The following C8orf34 variants were observed in gnomAD, a reference collection of about 807,000 sequenced individuals.
C8orf34 encodes uncharacterized protein C8orf34.
C8orf34 carries 65 observed loss-of-function variants against 68.3 expected under a neutral mutation model. The ratio of observed to expected loss-of-function variants is 0.95; its 90% CI spans 0.78 to 1.17. The LOEUF is 1.17. Ranked by LOEUF, C8orf34 falls within the 50% of genes most tolerant of loss-of-function variation. The pLI is 0.00. For synonymous variants in C8orf34, 244 were observed against 241.2 expected, an observed-to-expected ratio of 1.01 and a Z score of -0.11; for missense variants, 664 against 655.4, an observed-to-expected ratio of 1.01 and a Z score of -0.14.
chr8:68,513,516 G>A (rs1180073282), intron 5 of C8orf34, among the ~76,000 whole-genome samples: 1 of 152,206 alleles, frequency 6.6e-6, no homozygotes, highest in Non-Finnish European at 1.5e-5. Flanking sequence ...ACTTTGCAGA[G>A]AATATAAACA....
intron 7 of C8orf34, chr8:68,534,781 C>A: frequency 1.0e-6 from 1 of 985,358 alleles, no homozygotes; most frequent in South Asian, 4.7e-5. Context: ...TCAGGAGATG[C>A]AGTTGTCCAC....
chr8:68,622,941 T>G (rs1353396099), intron 7 of C8orf34, among the ~76,000 whole-genome samples: 1 of 152,232 alleles, frequency 6.6e-6, no homozygotes, highest in African/African-American at 2.4e-5. Context: ...GGGTATCTGA[T>G]GAAATACTGG....
intron 1 of C8orf34, among the ~76,000 whole-genome samples, chr8:68,377,665 A>G (rs2129620048): frequency 6.6e-6 from 1 of 152,362 alleles, no homozygotes; most frequent in African/African-American, 2.4e-5. Context: ...AAGCAATTTA[A>G]CAAAAGTTTT....
intron 1 of C8orf34, among the ~76,000 whole-genome samples, chr8:68,408,604 TA>T (rs1475348482): frequency 6.6e-6 from 1 of 152,164 alleles, no homozygotes; most frequent in Non-Finnish European, 1.5e-5. Context: ...TGTCCATTCA[TA>T]AATTGTCATG....
chr8:68,743,942 A>T (rs1246852273), intron 10 of C8orf34, among the ~76,000 whole-genome samples: 2 of 152,262 alleles, frequency 1.3e-5, no homozygotes, highest in East Asian at 3.9e-4. Flanking sequence ...GGCACAGACA[A>T]ACAAAAAGAC....
At chr8:68,543,914 T>C (rs1815783285) in intron 7 of C8orf34, among the ~76,000 whole-genome samples, 1 of 152,114 alleles carries the variant, frequency 6.6e-6, no homozygotes, top group Non-Finnish European at 1.5e-5. Context: ...TGTTTGGTTC[T>C]TGAGAGTAGG....
chr8:68,717,595 T>C (rs980009943), intron 9 of C8orf34, among the ~76,000 whole-genome samples: 1 of 152,158 alleles, frequency 6.6e-6, no homozygotes, highest in Non-Finnish European at 1.5e-5. Flanking sequence ...ATGAAGGTTA[T>C]TGAAAATGCC....
chr8:68,477,371 G>A (rs1435855255), intron 4 of C8orf34, among the ~76,000 whole-genome samples: 1 of 152,194 alleles, frequency 6.6e-6, no homozygotes. Context: ...ATGCCTGGAG[G>A]CAAGGACAGA....
At chr8:68,520,654 G>A (rs1041522067) in intron 5 of C8orf34, among the ~76,000 whole-genome samples, 1 of 149,348 alleles carries the variant, frequency 6.7e-6, no homozygotes, top group African/African-American at 2.5e-5. Flanking sequence ...TAGTAGAGAC[G>A]GGGTTTCACC....
intron 7 of C8orf34, among the ~76,000 whole-genome samples, chr8:68,578,553 G>C (rs1449624066): frequency 6.6e-6 from 1 of 151,814 alleles, no homozygotes; most frequent in Non-Finnish European, 1.5e-5. Context: ...TCATTAATAT[G>C]CTTATAAGCA....
chr8:68,628,800 AT>A (rs2130682934), intron 7 of C8orf34, among the ~76,000 whole-genome samples: 2 of 152,334 alleles, frequency 1.3e-5, no homozygotes, highest in East Asian at 3.9e-4. Context: ...AAATTATTTC[AT>A]GGATTACATT....
chr8:68,442,495 TGAG>T (rs1417887995), intron 2 of C8orf34, among the ~76,000 whole-genome samples: 1 of 151,982 alleles, frequency 6.6e-6, no homozygotes, highest in Non-Finnish European at 1.5e-5. Context: ...CCAAAGGAGT[TGAG>T]GGTATTTGTG....
chr8:68,575,346 T>G (rs964595774), intron 7 of C8orf34, among the ~76,000 whole-genome samples: 25 of 152,120 alleles, frequency 1.6e-4, no homozygotes, highest in Admixed American at 1.5e-3. Context: ...TCATTCTTTT[T>G]GTCAGGCTGT....
chr8:68,508,805 G>A lies in C8orf34; in HGVS notation c.766-12994G>A, dbSNP rs542397866. 7.2e-4 allele frequency among the ~76,000 whole-genome samples: 109 copies of A among 152,294 alleles called. 1 individual carries two copies. Among genetic ancestry groups the A allele is most frequent in the African/African-American group, 2.5e-3 (102 of 41,568 alleles). On this transcript the variant is annotated intron_variant, in intron 5 of 13. Coordinates refer to ENST00000518698, the MANE Select transcript of C8orf34 (RefSeq NM_052958.4). Reference sequence around the variant, plus strand: ...ATGCAAGGCATCTGGAAGCCATGGCGACAAAAATTCAGACTTGCAGACAAT... The same window carrying A: ...ATGCAAGGCATCTGGAAGCCATGGCAACAAAAATTCAGACTTGCAGACAAT...
chr8:68,742,719 C>T (rs890522392), intron 10 of C8orf34, among the ~76,000 whole-genome samples: 4 of 151,858 alleles, frequency 2.6e-5, no homozygotes, highest in Non-Finnish European at 5.9e-5. Context: ...TGCCCTTTCA[C>T]CAACATCTTA....
intron 1 of C8orf34, among the ~76,000 whole-genome samples, chr8:68,369,444 T>C (rs760461118): frequency 2.0e-5 from 3 of 152,228 alleles, no homozygotes; most frequent in Non-Finnish European, 4.4e-5. Flanking sequence ...AGTCCCACAT[T>C]TTCTGTTTGC....
At chr8:68,684,785 T>TA (rs57249629) in intron 8 of C8orf34, among the ~76,000 whole-genome samples, 10,439 of 150,958 alleles carry the variant, frequency 0.069, 465 homozygotes, top group African/African-American at 0.12. Context: ...GGCTGCTTAT[T>TA]AAAAAAAAAA....
intron 7 of C8orf34, among the ~76,000 whole-genome samples, chr8:68,594,577 T>A (rs982870179): frequency 1.2e-4 from 18 of 152,128 alleles, no homozygotes; most frequent in African/African-American, 4.3e-4. Context: ...ATAGGTAGTT[T>A]TTCAACCCTC....
chr8:68,768,186 G>T (rs764077964), intron 10 of C8orf34, among the ~76,000 whole-genome samples: 1 of 152,154 alleles, frequency 6.6e-6, no homozygotes, highest in African/African-American at 2.4e-5. Flanking sequence ...GCTCCTTCAA[G>T]TTTGTTTATG....
Sources: allele counts gnomAD v4.1 joint callset (sites outside exome capture counted in the v4.1 genomes callset), GRCh38; gene constraint gnomAD v4.1.1; transcripts MANE v1.5; gene names NCBI Gene and HGNC (gene_info 2026-07-23, HGNC 2026-07-21).